Variants in RRAGD observed in about 807,000 individuals in gnomAD.
RRAGD encodes ras-related GTP-binding protein D.
A neutral mutation model predicts 35.5 loss-of-function variants in RRAGD; 12 were observed. The observed-to-expected ratio is 0.34, with a 90% CI of 0.22 to 0.55. The LOEUF (loss-of-function observed/expected upper bound fraction) is 0.55. Ranked by LOEUF, RRAGD falls within the 20% of genes least tolerant of loss-of-function variation. The pLI is 0.91. For missense variants in RRAGD, 324 were observed against 490.1 expected (o/e 0.66, Z 3.20); for synonymous variants, 155 against 178.9 (o/e 0.87, Z 1.07).
chr6:89,384,545 G>C (rs1267481709), intron 2 of RRAGD, among the ~76,000 whole-genome samples: 1 of 151,988 alleles, frequency 6.6e-6, no homozygotes, highest in Non-Finnish European at 1.5e-5. Context: ...GGCCAGGCGT[G>C]GTGGCTCACG....
rs1378632273 is a variant in RRAGD, at chr6:89,411,130, C to T, written c.148+716G>A. Among the ~76,000 whole-genome samples, 1 of 152,236 alleles carries T rather than the reference C, an allele frequency of 6.6e-6. No homozygotes were observed. Among genetic ancestry groups the T allele is most frequent in the African/African-American group, 2.4e-5 (1 of 41,460 alleles). On this transcript the variant is annotated intron_variant, in intron 1 of 6. Transcript: ENST00000369415. The surrounding 1 kb of genome is among the most constrained non-coding windows in gnomAD (Gnocchi z 5.6). ...CTTCTAGAACAGGAAAAAGAGTTTG[C>T]TTCACTATTGAAGCAAAGAATTCCC...
At chr6:89,377,219 G>A (rs1431512919) in intron 5 of RRAGD, among the ~76,000 whole-genome samples, 1 of 152,210 alleles carries the variant, frequency 6.6e-6, no homozygotes, top group Non-Finnish European at 1.5e-5. Flanking sequence ...GTTTGTCAGG[G>A]GGGAAATATA....
chr6:89,384,882 C>A (rs1769114402), intron 2 of RRAGD, among the ~76,000 whole-genome samples: 1 of 151,688 alleles, frequency 6.6e-6, no homozygotes, highest in Non-Finnish European at 1.5e-5. Context: ...TCTTTCTCTG[C>A]CCCACAAAAA....
chr6:89,385,246 G>A (rs1362850784), intron 2 of RRAGD, among the ~76,000 whole-genome samples: 1 of 152,134 alleles, frequency 6.6e-6, no homozygotes, highest in Non-Finnish European at 1.5e-5. Flanking sequence ...AATGCAAATT[G>A]CTATGTAAGC....
Position 89,368,115 on chromosome 6 carries a change from T to A in RRAGD, c.1144A>T (p.Asn382Tyr). ...MKVVKSRKVQ[N>Y]RLQKKKRATP... ...GCTCTCTTTTTCTTCTGCAGCCGAT[T>A]CTGAACCTTTCGAGATTTTACTACT... Residue 382 changes from asparagine to tyrosine, a missense_variant, in exon 7 of 7, where the codon AAT becomes TAT. Physicochemically the swap from Asn to Tyr is moderately radical, Grantham distance 143. This residue lies in a region of RRAGD where 68 missense variants were observed against 76.8 expected (regional missense o/e 0.89). Transcript: ENST00000369415. 6.2e-7 allele frequency: 1 copy of A among 1,614,102 alleles called. No individual in the cohort carries two copies. Among genetic ancestry groups the A allele is most frequent in the Non-Finnish European group, 8.5e-7 (1 of 1,179,958 alleles).
intron 1 of RRAGD, among the ~76,000 whole-genome samples, chr6:89,392,461 C>T (rs1027566169): frequency 7.9e-6 from 1 of 125,850 alleles, no homozygotes; most frequent in Non-Finnish European, 1.6e-5. Flanking sequence ...GCCTGGACAA[C>T]AGTGCAAAAC....
chr6:89,383,145 C>G (rs989213850), intron 2 of RRAGD, among the ~76,000 whole-genome samples: 1 of 152,120 alleles, frequency 6.6e-6, no homozygotes, highest in Non-Finnish European at 1.5e-5. Flanking sequence ...ACACATTGGT[C>G]AAACCTGTTG....
At chr6:89,390,364 A>G (rs1156364312) in intron 1 of RRAGD, among the ~76,000 whole-genome samples, 1 of 152,276 alleles carries the variant, frequency 6.6e-6, no homozygotes, top group Non-Finnish European at 1.5e-5. Flanking sequence ...GGATGCGAAT[A>G]GACATTTCTC....
chr6:89,380,349 G>T lies in RRAGD; in HGVS notation c.463C>A (p.Leu155Met). ...IDSQDDYMEALARLHLTVTRA... is the reference protein window; with the variant it reads ...IDSQDDYMEAMARLHLTVTRA... ...GTCACCGTGAGGTGGAGCCTGGCCAGGGCTTCCATGTAATCATCCTAGGAC... is the reference window on the plus strand; with the variant it reads ...GTCACCGTGAGGTGGAGCCTGGCCATGGCTTCCATGTAATCATCCTAGGAC... Residue 155 changes from leucine (L) to methionine (M), a missense_variant, in exon 3 of 7, where the codon CTG (leucine) becomes ATG (methionine). By Grantham distance (15) the Leu-to-Met change is conservative. Transcript: ENST00000369415. 6.2e-7 allele frequency: 1 copy of T among 1,614,160 alleles called. No homozygotes were observed. Among genetic ancestry groups the T allele is most frequent in the Non-Finnish European group, 8.5e-7 (1 of 1,180,032 alleles).
chr6:89,382,284 T>A (rs577454631), intron 2 of RRAGD, among the ~76,000 whole-genome samples: 1 of 151,874 alleles, frequency 6.6e-6, no homozygotes, highest in East Asian at 1.9e-4. Flanking sequence ...CAGAGTTGTT[T>A]AGAATAAAGG....
chr6:89,379,414 C>A, intron 3 of RRAGD, 76 bp from the exon 4 acceptor site: 1 of 685,092 alleles, frequency 1.5e-6, no homozygotes, highest in South Asian at 1.8e-5. Context: ...GTCAAAACAC[C>A]GGTAATCTGC....
intron 3 of RRAGD, 94 bp from the exon 4 acceptor site, chr6:89,379,432 A>G (rs1769005547): frequency 1.6e-6 from 1 of 629,650 alleles, no homozygotes; most frequent in Admixed American, 2.8e-5. Flanking sequence ...TGCCTTCTGT[A>G]TGTATAGTCC....
At chr6:89,393,730 G>T (rs571295215) in intron 1 of RRAGD, among the ~76,000 whole-genome samples, 5 of 152,268 alleles carry the variant, frequency 3.3e-5, no homozygotes, top group Non-Finnish European at 7.3e-5. Context: ...CTCAACAAAT[G>T]TAAGAATGTA....
At chr6:89,380,412 C>G in intron 2 of RRAGD, 45 bp from the exon 3 acceptor site, 1 of 1,543,076 alleles carries the variant, frequency 6.5e-7, no homozygotes, top group Non-Finnish European at 8.9e-7. Flanking sequence ...GCTTTGCTTC[C>G]TGAGCCTCCC....
intron 2 of RRAGD, among the ~76,000 whole-genome samples, chr6:89,382,400 AATATATATATAT>A (rs58343827): frequency 1.5e-5 from 2 of 130,888 alleles, no homozygotes; most frequent in African/African-American, 6.4e-5. Context: ...TATCTCTAGA[AATATATATATAT>A]ATATATATAT....
chr6:89,405,906 T>C (rs2127898943), intron 1 of RRAGD, among the ~76,000 whole-genome samples: 1 of 152,170 alleles, frequency 6.6e-6, no homozygotes, highest in Middle Eastern at 3.4e-3. Context: ...CCAACCCAAG[T>C]GGGAATGAAT....
intron 5 of RRAGD, among the ~76,000 whole-genome samples, chr6:89,376,324 T>C (rs987672725): frequency 1.3e-5 from 2 of 151,736 alleles, no homozygotes; most frequent in African/African-American, 4.8e-5. Context: ...TGTGTGTGTG[T>C]GTGTGTGTGT....
chr6:89,369,882 T>C (rs774701875), intron 6 of RRAGD, among the ~76,000 whole-genome samples: 6 of 152,182 alleles, frequency 3.9e-5, no homozygotes, highest in Non-Finnish European at 8.8e-5. Context: ...TGAAAATACA[T>C]GAACAGAGAC....
chr6:89,403,621 CTT>C (rs1282695769), intron 1 of RRAGD, among the ~76,000 whole-genome samples: 2 of 125,408 alleles, frequency 1.6e-5, no homozygotes, highest in African/African-American at 6.5e-5. Flanking sequence ...GATTGGTTTT[CTT>C]TTTCTTTTTT....
Sources: gnomAD v4.1 joint callset for allele counts (sites outside exome capture counted in the v4.1 genomes callset) on GRCh38, gnomAD v4.1.1 for gene constraint, gnomAD v4.1.1 regional missense constraint, Gnocchi (gnomAD v3.1) non-coding constraint, MANE v1.5 for transcripts, NCBI Gene and HGNC (gene_info 2026-07-23, HGNC 2026-07-21) for gene names.